LINGO1: variants seen among roughly 807,000 people sequenced by gnomAD.
The protein encoded by LINGO1 is leucine-rich repeat and immunoglobulin-like domain-containing nogo receptor-interacting protein 1.
A neutral mutation model predicts 37.3 loss-of-function variants in LINGO1; 11 were observed. That is an observed-to-expected ratio of 0.29 (90% CI 0.19 to 0.49). The LOEUF (loss-of-function observed/expected upper bound fraction) is 0.49, where lower values mean the gene tolerates loss of function less well. Ranked by LOEUF, LINGO1 falls within the 20% of genes least tolerant of loss-of-function variation. The probability of loss-of-function intolerance (pLI) is 0.99; values close to 1 mark genes in which losing one functional copy is unlikely to be tolerated. For synonymous variants in LINGO1, 387 were observed against 403.0 expected, an observed-to-expected ratio of 0.96 and a Z score of 0.48; for missense variants, 585 against 878.2, an observed-to-expected ratio of 0.67 and a Z score of 4.22.
intron 1 of LINGO1, among the ~76,000 whole-genome samples, chr15:77,622,253 G>A (rs1252824632): frequency 1.3e-5 from 2 of 152,008 alleles, no homozygotes; most frequent in Non-Finnish European, 2.9e-5. Context: ...CGTGGTGGGT[G>A]AGGCTGCAGA....
Position 77,721,931 on chromosome 15 carries a change from C to T in LINGO1, c.-195+13061G>A, listed in dbSNP as rs984666555. On this transcript the variant is annotated intron_variant, in intron 2 of 3. Coordinates refer to the LINGO1 transcript ENST00000561686. ...TGACCCCCCAAAGCGTGACCTCCCT[C>T]TTCCCGCTGCAGAGCCAGAAATGCT... Among the ~76,000 whole-genome samples, 151 of 152,230 alleles carry T rather than the reference C, an allele frequency of 9.9e-4. 1 individual carries two copies. Among genetic ancestry groups the T allele is most frequent in the African/African-American group, 3.5e-3 (146 of 41,532 alleles).
At chr15:77,782,716 T>C (rs2141429179) in intron 1 of LINGO1, among the ~76,000 whole-genome samples, 1 of 150,378 alleles carries the variant, frequency 6.6e-6, no homozygotes, top group Middle Eastern at 3.4e-3. Flanking sequence ...CCACCCACTC[T>C]TCGCCATCTG....
chr15:77,664,170 T>TGTGCGCGCGCGTGC, intron 3 of LINGO1, among the ~76,000 whole-genome samples: 1 of 130,946 alleles, frequency 7.6e-6, no homozygotes. Flanking sequence ...TGTGTGTGTG[T>TGTGCGCGCGCGTGC]GCGCGCGCGC....
chr15:77,717,354 G>A lies in LINGO1; in HGVS notation c.-195+17638C>T, dbSNP rs182893808. ...AGGTGAGGGGGGGCAGCCCCCAGGC[G>A]GGCAGAGGTGGGGGTGGCAGGCCCA... On this transcript the variant is annotated intron_variant, in intron 2 of 3. Transcript: ENST00000561686. Among the ~76,000 whole-genome samples, 33 of 150,830 alleles carry A rather than the reference G, an allele frequency of 2.2e-4. 4 individuals carry two copies. In the East Asian group the frequency reaches 6.1e-3, roughly 28 times the overall value.
chr15:77,734,271 T>A (rs2141336838), intron 2 of LINGO1, among the ~76,000 whole-genome samples: 1 of 152,222 alleles, frequency 6.6e-6, no homozygotes, highest in South Asian at 2.1e-4. Context: ...AAGAGACGCC[T>A]GGGCCCTTGA....
rs761325888 is a variant in LINGO1, at chr15:77,615,714, C to T, written c.193G>A (p.Val65Ile). The T allele has an allele frequency of 1.3e-6, 2 of 1,598,854 alleles. No individual in the cohort carries two copies. Among genetic ancestry groups the T allele is most frequent in the Admixed American group, 3.4e-5 (2 of 58,780 alleles). The change falls in exon 2 of 2, where the codon GTC (valine) becomes ATC (isoleucine). Residue 65 changes from valine (V) to isoleucine (I), a missense_variant. Val to Ile is a conservative substitution (Grantham distance 29). Coordinates refer to ENST00000355300, the MANE Select transcript of LINGO1 (RefSeq NM_032808.7). ...VLCHRKRFVAVPEGIPTETRL... is the reference protein window; with the variant it reads ...VLCHRKRFVAIPEGIPTETRL... ...GTCTCGGTGGGGATGCCCTCGGGGA[C>T]TGCCACAAAGCGCTTGCGGTGGCAC...
chr15:77,752,603 G>A (rs1396178638), intron 1 of LINGO1, among the ~76,000 whole-genome samples: 2 of 152,230 alleles, frequency 1.3e-5, no homozygotes, highest in Non-Finnish European at 2.9e-5. Context: ...AGGCCCCATA[G>A]ACAACCACAG....
At chr15:77,664,525 C>A (rs561624486) in intron 3 of LINGO1, among the ~76,000 whole-genome samples, 39 of 152,266 alleles carry the variant, frequency 2.6e-4, no homozygotes, top group Non-Finnish European at 5.3e-4. Context: ...GCAGTGAGCT[C>A]CCGGTCAGGA....
rs531320695 is a variant in LINGO1 at position 77,728,913 on chromosome 15, G to C, written c.-195+6079C>G. On this transcript the variant is annotated intron_variant, in intron 2 of 3. Coordinates refer to the LINGO1 transcript ENST00000561686. ...GCACATAGCGGGCACTGAGGAAACA[G>C]GAGCTGTTATTACTCTGGGTCTGCT... Among the ~76,000 whole-genome samples the C allele has an allele frequency of 1.4e-4, 22 of 152,396 alleles. 1 individual carries two copies. Among genetic ancestry groups the C allele is most frequent in the African/African-American group, 4.8e-4 (20 of 41,600 alleles).
chr15:77,647,241 C>T (rs2074653716), intron 3 of LINGO1, among the ~76,000 whole-genome samples: 1 of 151,994 alleles, frequency 6.6e-6, no homozygotes, highest in African/African-American at 2.4e-5. Flanking sequence ...CCTGGTTATG[C>T]CCCCTGGGCT....
intron 2 of LINGO1, among the ~76,000 whole-genome samples, chr15:77,726,330 C>T (rs1480607537): frequency 6.6e-6 from 1 of 152,218 alleles, no homozygotes; most frequent in East Asian, 1.9e-4. Flanking sequence ...GGCTGCCTCC[C>T]CCACAGGCAC....
intron 3 of LINGO1, among the ~76,000 whole-genome samples, chr15:77,642,694 G>C (rs1006804530): frequency 6.6e-6 from 1 of 152,222 alleles, no homozygotes; most frequent in Non-Finnish European, 1.5e-5. Context: ...GGCTGGGACC[G>C]GCACTTGGGC....
chr15:77,682,198 G>A (rs952716170), intron 2 of LINGO1, among the ~76,000 whole-genome samples: 1 of 151,770 alleles, frequency 6.6e-6, no homozygotes, highest in Admixed American at 6.6e-5. Flanking sequence ...CTAACTCTGT[G>A]ACCTTCAGCA....
chr15:77,652,734 C>T (rs185092979), intron 3 of LINGO1, among the ~76,000 whole-genome samples: 2 of 152,190 alleles, frequency 1.3e-5, no homozygotes, highest in Admixed American at 6.5e-5. Context: ...TGGATTTTTC[C>T]AGCCCAGTGG....
At chr15:77,812,205 C>G (rs2077011398) in intron 1 of LINGO1, among the ~76,000 whole-genome samples, 2 of 152,218 alleles carry the variant, frequency 1.3e-5, no homozygotes, top group South Asian at 4.1e-4. Flanking sequence ...GACCACACCT[C>G]CCCCACCCAC....
chr15:77,694,789 C>T (rs1006578356), intron 1 of LINGO1, among the ~76,000 whole-genome samples: 1 of 152,204 alleles, frequency 6.6e-6, no homozygotes, highest in Non-Finnish European at 1.5e-5. Flanking sequence ...GTTCTTACCC[C>T]ACACCTACAG....
chr15:77,763,369 CCT>C (rs1028734921), intron 1 of LINGO1, among the ~76,000 whole-genome samples: 104 of 152,188 alleles, frequency 6.8e-4, no homozygotes, highest in Admixed American at 2.6e-3. Flanking sequence ...GGGATGGCCC[CCT>C]GACTCTGGGG....
At chr15:77,786,255 T>C (rs2076769814) in intron 1 of LINGO1, among the ~76,000 whole-genome samples, 1 of 152,094 alleles carries the variant, frequency 6.6e-6, no homozygotes, top group Non-Finnish European at 1.5e-5. Context: ...GTATGCCACT[T>C]GGGAGGAAAA....
chr15:77,685,258 C>T (rs62009134), intron 2 of LINGO1, among the ~76,000 whole-genome samples: 5 of 152,212 alleles, frequency 3.3e-5, no homozygotes, highest in South Asian at 4.1e-4. Flanking sequence ...GCAGCTTGAC[C>T]GAGGATCTGA....
Sources: allele counts gnomAD v4.1 joint callset (sites outside exome capture counted in the v4.1 genomes callset), GRCh38; gene constraint gnomAD v4.1.1; transcripts MANE v1.5; gene names NCBI Gene and HGNC (gene_info 2026-07-23, HGNC 2026-07-21).